Variants in IL1RAPL2 observed in about 807,000 individuals in gnomAD.
The protein encoded by IL1RAPL2 is interleukin 1 receptor accessory protein like 2, also known as X-linked interleukin-1 receptor accessory protein-like 2.
A neutral mutation model predicts 44.1 loss-of-function variants in IL1RAPL2; 3 were observed. The ratio of observed to expected loss-of-function variants is 0.07; its 90% confidence interval spans 0.03 to 0.18. The LOEUF is 0.18. Among genes scored for constraint, IL1RAPL2 ranks in the 10% least tolerant of loss-of-function variants. The pLI, the probability that IL1RAPL2 is intolerant of heterozygous loss-of-function variation, is 1.00. For synonymous variants in IL1RAPL2, 181 were observed against 178.8 expected (o/e 1.01, Z -0.10); for missense variants, 391 against 496.4 (o/e 0.79, Z 2.02).
intron 2 of IL1RAPL2, among the ~76,000 whole-genome samples, chrX:105,092,248 G>T (rs1373121578): frequency 9.0e-6 from 1 of 111,483 alleles, no homozygotes; most frequent in Non-Finnish European, 1.9e-5. Flanking sequence ...AACTTTGGAT[G>T]ATTCCCAAAA....
At chrX:105,157,107 CA>C (rs1294362653) in intron 2 of IL1RAPL2, among the ~76,000 whole-genome samples, 681 of 34,944 alleles carry the variant, frequency 0.019, 5 homozygotes, top group African/African-American at 0.044. Context: ...TTCGAGTTAG[CA>C]AAAAAAAAAA....
At chrX:104,677,566 C>A (rs1280454431) in intron 2 of IL1RAPL2, among the ~76,000 whole-genome samples, 1 of 112,348 alleles carries the variant, frequency 8.9e-6, no homozygotes, top group African/African-American at 3.2e-5. Flanking sequence ...CTGTGCCCTG[C>A]CCCCAGAGGT....
At chrX:104,910,708 A>T (rs1924208924) in intron 2 of IL1RAPL2, among the ~76,000 whole-genome samples, 1 of 111,947 alleles carries the variant, frequency 8.9e-6, no homozygotes, top group Admixed American at 9.5e-5. Flanking sequence ...AATAGTTTTT[A>T]AAAATTTTGT....
chrX:105,440,567 A>G (rs2035913262), intron 5 of IL1RAPL2, among the ~76,000 whole-genome samples: 1 of 112,158 alleles, frequency 8.9e-6, no homozygotes, highest in South Asian at 3.7e-4. Flanking sequence ...TGTATATGCC[A>G]CTAACAGTAA....
chrX:104,879,245 G>T (rs1486337592), intron 2 of IL1RAPL2, among the ~76,000 whole-genome samples: 1 of 109,709 alleles, frequency 9.1e-6, no homozygotes, highest in African/African-American at 3.3e-5. Flanking sequence ...CTCCAGATCA[G>T]TGAAAATTCT....
chrX:105,036,216 A>T (rs2031625989), intron 2 of IL1RAPL2, among the ~76,000 whole-genome samples: 1 of 112,009 alleles, frequency 8.9e-6, no homozygotes, highest in Admixed American at 9.5e-5. Flanking sequence ...GCACCCAAGA[A>T]CACAGACCCC....
At chrX:105,455,187 A>G (rs760930103) in intron 5 of IL1RAPL2, among the ~76,000 whole-genome samples, 9 of 112,547 alleles carry the variant, frequency 8.0e-5, no homozygotes, top group Non-Finnish European at 1.5e-4. Context: ...AGGTATATTG[A>G]TACAATTCAA....
chrX:104,837,793 G>A (rs1476010611), intron 2 of IL1RAPL2, among the ~76,000 whole-genome samples: 3 of 111,505 alleles, frequency 2.7e-5, no homozygotes, highest in Non-Finnish European at 5.6e-5. Flanking sequence ...TAGTTATGAT[G>A]TCTTTGCCCA....
At chrX:105,055,832 A>T (rs908104007) in intron 2 of IL1RAPL2, among the ~76,000 whole-genome samples, 4 of 111,461 alleles carry the variant, frequency 3.6e-5, no homozygotes, top group African/African-American at 1.3e-4. Flanking sequence ...GGGTTTGCCT[A>T]GTTGGAAATT....
chrX:104,583,212 G>A (rs188580347), intron 1 of IL1RAPL2, among the ~76,000 whole-genome samples: 1 of 110,758 alleles, frequency 9.0e-6, no homozygotes, highest in African/African-American at 3.3e-5. Flanking sequence ...AGATAGACAT[G>A]CATATACACA....
intron 6 of IL1RAPL2, among the ~76,000 whole-genome samples, chrX:105,652,432 A>G (rs1227142728): frequency 9.0e-6 from 1 of 111,552 alleles, no homozygotes; most frequent in Non-Finnish European, 1.9e-5. Context: ...GATGCTTTCT[A>G]TTACCTGAAA....
At chrX:105,039,426 T>G (rs1027200610) in intron 2 of IL1RAPL2, among the ~76,000 whole-genome samples, 4 of 111,799 alleles carry the variant, frequency 3.6e-5, no homozygotes, top group Non-Finnish European at 5.7e-5. Flanking sequence ...AACACTAGTT[T>G]TCTATCTTGT....
At chrX:104,832,165 T>A (rs1792420656) in intron 2 of IL1RAPL2, among the ~76,000 whole-genome samples, 1 of 112,150 alleles carries the variant, frequency 8.9e-6, no homozygotes, top group Non-Finnish European at 1.9e-5. Context: ...CATACTAATG[T>A]AAAAATCAAC....
At chrX:105,180,899 G>A (rs1318220637) in intron 2 of IL1RAPL2, among the ~76,000 whole-genome samples, 1 of 110,270 alleles carries the variant, frequency 9.1e-6, no homozygotes, top group African/African-American at 3.3e-5. Flanking sequence ...ATAGTTTCAG[G>A]AGGATTGGTA....
At chrX:104,625,661 A>G (rs1288708637) in intron 1 of IL1RAPL2, among the ~76,000 whole-genome samples, 1 of 111,510 alleles carries the variant, frequency 9.0e-6, no homozygotes, top group Admixed American at 9.6e-5. Flanking sequence ...TATTTGACCA[A>G]GATGGGAAGA....
At chrX:105,686,149 C>T (rs933706974) in intron 6 of IL1RAPL2, among the ~76,000 whole-genome samples, 9 of 110,259 alleles carry the variant, frequency 8.2e-5, no homozygotes, top group African/African-American at 1.3e-4. Flanking sequence ...CATCAATTAA[C>T]GGGCAAAATA....
intron 2 of IL1RAPL2, among the ~76,000 whole-genome samples, chrX:104,717,762 C>G (rs375182639): frequency 3.7e-5 from 4 of 109,020 alleles, no homozygotes; most frequent in African/African-American, 1.0e-4. Context: ...CTCCCCCCCC[C>G]ACCCCACAAC....
At chrX:105,612,138 G>A (rs2037341275) in intron 6 of IL1RAPL2, among the ~76,000 whole-genome samples, 1 of 110,847 alleles carries the variant, frequency 9.0e-6, no homozygotes, top group African/African-American at 3.3e-5. Context: ...ACAGGGTCTC[G>A]CTCTGTCACC....
In IL1RAPL2 at chrX:105,142,119, C is replaced by G. The variant is rs539468137; in HGVS notation, c.83-53356C>G. 1.9e-4 allele frequency among the ~76,000 whole-genome samples: 21 copies of G among 110,993 alleles called. No individual in the cohort carries two copies. The South Asian group carries it at 7.6e-3, about 40-fold the overall frequency. ...TCAGATATGTTCTTTTTCCACAACT[C>G]TGAAAAAAAATAAGAATTTAGTTGA... On this transcript the variant is annotated intron_variant, in intron 2 of 10. Transcript: ENST00000372582.
Sources: allele counts gnomAD v4.1 joint callset (sites outside exome capture counted in the v4.1 genomes callset), GRCh38; gene constraint gnomAD v4.1.1; transcripts MANE v1.5; gene names NCBI Gene and HGNC (gene_info 2026-07-23, HGNC 2026-07-21).